VPS35L: variants seen among roughly 807,000 people sequenced by gnomAD.
VPS35L encodes the protein VPS35 endosomal protein sorting factor like, also known as VPS35 endosomal protein-sorting factor-like.
A neutral mutation model predicts 133.0 loss-of-function variants in VPS35L; 83 were observed. The ratio of observed to expected loss-of-function variants is 0.62; its 90% CI spans 0.52 to 0.75. The LOEUF (loss-of-function observed/expected upper bound fraction) is 0.75. Among genes scored for constraint, VPS35L ranks in the 30% least tolerant of loss-of-function variants. VPS35L has a pLI of 0.00. For missense variants in VPS35L, 1,083 were observed against 1,206.8 expected, an observed-to-expected ratio of 0.90 and a Z score of 1.52; for synonymous variants, 423 against 449.9, an observed-to-expected ratio of 0.94 and a Z score of 0.76.
chr16:19,638,123 C>T (rs1316616784), intron 20 of VPS35L, among the ~76,000 whole-genome samples: 4 of 152,144 alleles, frequency 2.6e-5, no homozygotes, highest in Admixed American at 2.0e-4. Flanking sequence ...GATGTCTGTT[C>T]GAGTTTGTTC....
intron 25 of VPS35L, among the ~76,000 whole-genome samples, 174 bp from the exon 26 acceptor site, chr16:19,651,802 T>TG (rs779597135): frequency 6.6e-6 from 1 of 152,150 alleles, no homozygotes; most frequent in Non-Finnish European, 1.5e-5. Flanking sequence ...CTCACACCCC[T>TG]GTCCTCCTAG....
At chr16:19,698,825 C>T (rs919346708) in intron 29 of VPS35L, among the ~76,000 whole-genome samples, 1 of 152,168 alleles carries the variant, frequency 6.6e-6, no homozygotes, top group Non-Finnish European at 1.5e-5. Context: ...AAGTTGTATC[C>T]TCTCTCCTGG....
intron 27 of VPS35L, among the ~76,000 whole-genome samples, chr16:19,671,712 G>A (rs1004075686): frequency 7.2e-5 from 11 of 152,064 alleles, no homozygotes; most frequent in East Asian, 5.8e-4. Flanking sequence ...GGGAGGTAGC[G>A]GTTGTAGTGA....
rs959908353 is a variant in VPS35L at position 19,633,950 on chromosome 16, T to A, written c.1635+778T>A. ...ACCGCGTTAGCCAGGGTGGTCTCGA[T>A]GTCCTGACTTCGTGATCCACCCGCC... On this transcript the variant is annotated intron_variant, in intron 19 of 30. Transcript: ENST00000417362. The surrounding 1 kb of genome is among the most constrained non-coding windows in gnomAD (Gnocchi z 4.1). Among the ~76,000 whole-genome samples the A allele has an allele frequency of 2.6e-5, 4 of 151,974 alleles. No individual in the cohort carries two copies.
chr16:19,666,771 G>A (rs144780308), intron 26 of VPS35L, among the ~76,000 whole-genome samples: 1 of 152,244 alleles, frequency 6.6e-6, no homozygotes, highest in African/African-American at 2.4e-5. Context: ...CTTGTTTCAT[G>A]ATATACTTAC....
chr16:19,576,072 A>C (rs1488532300), intron 5 of VPS35L, among the ~76,000 whole-genome samples: 1 of 148,638 alleles, frequency 6.7e-6, no homozygotes, highest in Non-Finnish European at 1.5e-5. Context: ...AGGCTGAGGC[A>C]GGAGAATCGC....
intron 2 of VPS35L, among the ~76,000 whole-genome samples, chr16:19,568,958 T>C (rs958703898): frequency 6.6e-6 from 1 of 152,098 alleles, no homozygotes; most frequent in Non-Finnish European, 1.5e-5. Flanking sequence ...AACTTAACTT[T>C]TATGAGGTGT....
chr16:19,569,646 A>G, intron 3 of VPS35L, 55 bp downstream of exon 3: 2 of 1,469,344 alleles, frequency 1.4e-6, no homozygotes, highest in South Asian at 1.4e-5. Flanking sequence ...GGGTGCAGGA[A>G]TGGGTGGTTT....
Position 19,681,330 on chromosome 16 carries a change from C to T in VPS35L, c.2362-895C>T, listed in dbSNP as rs960356206. Among the ~76,000 whole-genome samples, 4 of 152,270 alleles carry T rather than the reference C, an allele frequency of 2.6e-5. No individual in the cohort carries two copies. The East Asian group carries it at 7.7e-4, about 29-fold the overall frequency. ...TTGGCGATGGCTTTGTTCCTGCAAG[C>T]AAGACTACATCTTGGGCTAGATGGC... On this transcript the variant is annotated intron_variant, in intron 27 of 30. Transcript: ENST00000417362.
chr16:19,595,995 T>G (rs1334935964), intron 8 of VPS35L, among the ~76,000 whole-genome samples: 1 of 151,978 alleles, frequency 6.6e-6, no homozygotes, highest in Non-Finnish European at 1.5e-5. Context: ...AATACAAAAA[T>G]TAGCCGGGCA....
chr16:19,641,315 C>T (rs1019720781), intron 21 of VPS35L, among the ~76,000 whole-genome samples: 2 of 151,844 alleles, frequency 1.3e-5, no homozygotes, highest in African/African-American at 4.8e-5. Context: ...GATCCACCCG[C>T]CTCGGCCTCC....
chr16:19,628,817 A>G, intron 17 of VPS35L, 64 bp downstream of exon 17: 1 of 752,440 alleles, frequency 1.3e-6, no homozygotes, highest in South Asian at 4.3e-5. Context: ...TTTGAGATGA[A>G]GTCTTGCTCT....
intron 27 of VPS35L, among the ~76,000 whole-genome samples, chr16:19,676,509 G>A (rs1300746225): frequency 6.6e-6 from 1 of 152,188 alleles, no homozygotes; most frequent in African/African-American, 2.4e-5. Flanking sequence ...TAACAATGTG[G>A]TAAGACAAAG....
chr16:19,569,807 T>C (rs998830610), intron 3 of VPS35L, among the ~76,000 whole-genome samples: 11 of 150,356 alleles, frequency 7.3e-5, no homozygotes, highest in Non-Finnish European at 3.0e-5. Context: ...TAGCTGGGAT[T>C]ATAGGTACAC....
chr16:19,569,189 A>G (rs549489369), intron 2 of VPS35L: 39 of 679,356 alleles, frequency 5.7e-5, no homozygotes, highest in East Asian at 3.2e-4. Context: ...TGACCTCTCA[A>G]TTAATTTTTT....
At chr16:19,572,993 T>G in intron 3 of VPS35L, 126 bp from the exon 4 acceptor site, 2 of 1,134,352 alleles carry the variant, frequency 1.8e-6, no homozygotes, top group Non-Finnish European at 2.4e-6. Flanking sequence ...TTTTTTATGA[T>G]AGTAAACCTT....
intron 19 of VPS35L, among the ~76,000 whole-genome samples, chr16:19,635,054 C>T (rs2151572528): frequency 6.6e-6 from 1 of 152,226 alleles, no homozygotes; most frequent in African/African-American, 2.4e-5. Flanking sequence ...AGAAATATCA[C>T]CATGGCCAGG....
intron 26 of VPS35L, among the ~76,000 whole-genome samples, chr16:19,667,753 C>T (rs62024100): frequency 6.8e-6 from 1 of 146,962 alleles, no homozygotes; most frequent in East Asian, 1.9e-4. Flanking sequence ...AAAAAAAAAC[C>T]AGAAAAAAAA....
At chr16:19,609,907 G>A (rs1972655397) in intron 11 of VPS35L, among the ~76,000 whole-genome samples, 1 of 152,186 alleles carries the variant, frequency 6.6e-6, no homozygotes, top group South Asian at 2.1e-4. Flanking sequence ...GATGTCAGAT[G>A]CCAGCCTGAG....
Sources: gnomAD v4.1 joint callset for allele counts (sites outside exome capture counted in the v4.1 genomes callset) on GRCh38, gnomAD v4.1.1 for gene constraint, Gnocchi (gnomAD v3.1) non-coding constraint, MANE v1.5 for transcripts, NCBI Gene and HGNC (gene_info 2026-07-23, HGNC 2026-07-21) for gene names.